RAPGEF6: variants seen among roughly 807,000 people sequenced by gnomAD.
RAPGEF6 encodes the protein Rap guanine nucleotide exchange factor 6, also known as PDZ domain containing guanine nucleotide exchange factor (GEF) 2.
RAPGEF6 carries 56 observed loss-of-function variants against 171.4 expected under a neutral mutation model. The ratio of observed to expected loss-of-function variants is 0.33; its 90% CI spans 0.26 to 0.41. The LOEUF (loss-of-function observed/expected upper bound fraction) is 0.41. RAPGEF6 is among the 10% of genes least tolerant of loss of function. The probability of loss-of-function intolerance (pLI) is 1.00; values close to 1 mark genes in which losing one functional copy is unlikely to be tolerated. For missense variants in RAPGEF6, 1,674 were observed against 1,921.4 expected, an observed-to-expected ratio of 0.87 and a Z score of 2.41; for synonymous variants, 692 against 650.1, an observed-to-expected ratio of 1.06 and a Z score of -0.98.
Position 131,461,871 on chromosome 5 carries a change from A to G in RAPGEF6, c.2698T>C (p.Leu900=), listed in dbSNP as rs779499745. ...TTTACAATGTCCTCAAACCTCTTCAAATGAGTATTTCCTGTTTTGGAATTT... is the reference window on the plus strand; with the variant it reads ...TTTACAATGTCCTCAAACCTCTTCAGATGAGTATTTCCTGTTTTGGAATTT... ...KLNSKTGNTH[L]KRFEDIVNQE... The change falls in exon 19 of 28, where the codon TTG becomes CTG. Residue 900 remains leucine (L), a synonymous_variant. Coordinates refer to ENST00000509018, the MANE Select transcript of RAPGEF6 (RefSeq NM_016340.6). 6.2e-7 allele frequency: 1 copy of G among 1,614,108 alleles called. No individual in the cohort carries two copies. Among genetic ancestry groups the G allele is most frequent in the Non-Finnish European group, 8.5e-7 (1 of 1,179,996 alleles).
intron 3 of RAPGEF6, among the ~76,000 whole-genome samples, chr5:131,598,283 AAC>A (rs1764021925): frequency 2.0e-5 from 3 of 152,308 alleles, no homozygotes; most frequent in South Asian, 2.1e-4. Flanking sequence ...GGGAGACTGA[AAC>A]ACAGACAGAA....
intron 6 of RAPGEF6, among the ~76,000 whole-genome samples, chr5:131,534,994 C>T (rs543600223): frequency 6.6e-6 from 1 of 152,206 alleles, no homozygotes; most frequent in South Asian, 2.1e-4. Context: ...AGGGAGACAG[C>T]CATCTCTTAG....
chr5:131,632,699 C>A (rs774261942), intron 1 of RAPGEF6, among the ~76,000 whole-genome samples: 1 of 152,194 alleles, frequency 6.6e-6, no homozygotes, highest in East Asian at 1.9e-4. Flanking sequence ...CATAATAGAC[C>A]CTTGGGAGTC....
At chr5:131,622,661 G>A (rs1765661165) in intron 1 of RAPGEF6, among the ~76,000 whole-genome samples, 1 of 152,096 alleles carries the variant, frequency 6.6e-6, no homozygotes, top group African/African-American at 2.4e-5. Flanking sequence ...GTAAAATGAT[G>A]GGCCTGGAAA....
At chr5:131,440,471 C>T (rs941694237) in intron 23 of RAPGEF6, among the ~76,000 whole-genome samples, 4 of 152,086 alleles carry the variant, frequency 2.6e-5, no homozygotes. Context: ...GGTATGGTGG[C>T]TCACGCCTGT....
At chr5:131,631,859 G>A (rs921343586) in intron 1 of RAPGEF6, among the ~76,000 whole-genome samples, 2 of 152,080 alleles carry the variant, frequency 1.3e-5, no homozygotes, top group African/African-American at 2.4e-5. Flanking sequence ...GGCAGATCAC[G>A]AGGACAAGAG....
Position 131,584,496 on chromosome 5 carries a change from A to G in RAPGEF6, c.281+7887T>C, listed in dbSNP as rs546283637. ...TAAACTGCTTTTGTAAAGCTAATGA[A>G]AGAAAGACCACCAGATTACAAGGAT... On this transcript the variant is annotated intron_variant, in intron 4 of 27. Transcript: ENST00000509018. 7.9e-5 allele frequency among the ~76,000 whole-genome samples: 12 copies of G among 152,340 alleles called. No individual in the cohort carries two copies. The South Asian group carries it at 2.1e-3, about 26-fold the overall frequency.
At chr5:131,561,179 T>G (rs778150075) in intron 5 of RAPGEF6, among the ~76,000 whole-genome samples, 21 of 152,186 alleles carry the variant, frequency 1.4e-4, no homozygotes, top group Non-Finnish European at 2.2e-4. Flanking sequence ...TAAAGAATTA[T>G]TCCTTAAATA....
intron 6 of RAPGEF6, among the ~76,000 whole-genome samples, chr5:131,540,918 C>T (rs1359649210): frequency 1.3e-5 from 2 of 152,188 alleles, no homozygotes; most frequent in African/African-American, 2.4e-5. Context: ...AATTCCAGCA[C>T]TTTGGGAGGC....
chr5:131,610,631 C>T (rs976952868), intron 1 of RAPGEF6, among the ~76,000 whole-genome samples: 2 of 152,064 alleles, frequency 1.3e-5, no homozygotes, highest in African/African-American at 4.8e-5. Flanking sequence ...GCCACTGAGA[C>T]CTGCAGAGCT....
At chr5:131,592,608 C>T in intron 3 of RAPGEF6, 142 bp from the exon 4 acceptor site, 1 of 1,412,646 alleles carries the variant, frequency 7.1e-7, no homozygotes, top group African/African-American at 1.4e-5. Context: ...AATATTTTGC[C>T]TGTTGCCTAA....
intron 1 of RAPGEF6, among the ~76,000 whole-genome samples, chr5:131,632,603 T>G (rs553353411): frequency 6.6e-6 from 1 of 152,336 alleles, no homozygotes; most frequent in South Asian, 2.1e-4. Context: ...AGGGCAGACC[T>G]GCTTTGTTTA....
chr5:131,622,628 C>G (rs1400075589), intron 1 of RAPGEF6, among the ~76,000 whole-genome samples: 1 of 152,158 alleles, frequency 6.6e-6, no homozygotes, highest in Non-Finnish European at 1.5e-5. Context: ...TCAAGCTCAT[C>G]GAGTTGGGAA....
intron 20 of RAPGEF6, among the ~76,000 whole-genome samples, chr5:131,454,922 G>A (rs541976488): frequency 2.3e-3 from 350 of 152,308 alleles, no homozygotes; most frequent in Non-Finnish European, 4.1e-3. Context: ...GGAAGGCACA[G>A]AACAATGGAA....
chr5:131,607,474 C>A (rs1449189558), intron 1 of RAPGEF6, among the ~76,000 whole-genome samples: 5 of 152,162 alleles, frequency 3.3e-5, no homozygotes, highest in African/African-American at 1.2e-4. Context: ...ACTTTCCATT[C>A]CAATTAGAAG....
chr5:131,545,475 T>C (rs1006360361), intron 6 of RAPGEF6, among the ~76,000 whole-genome samples: 1 of 152,156 alleles, frequency 6.6e-6, no homozygotes, highest in Non-Finnish European at 1.5e-5. Flanking sequence ...CCTGATCTTT[T>C]TCTCTCTGAA....
chr5:131,616,596 A>G (rs1372039876), intron 1 of RAPGEF6, among the ~76,000 whole-genome samples: 6 of 152,200 alleles, frequency 3.9e-5, no homozygotes, highest in Non-Finnish European at 7.3e-5. Context: ...GTTTAAAACA[A>G]GTGAATTTCT....
chr5:131,551,497 G>A (rs1760923498), intron 5 of RAPGEF6, among the ~76,000 whole-genome samples: 1 of 135,002 alleles, frequency 7.4e-6, no homozygotes, highest in South Asian at 2.5e-4. Context: ...GGGCGACAGA[G>A]TGAGACTCCA....
chr5:131,531,818 T>C (rs995661829), intron 6 of RAPGEF6, among the ~76,000 whole-genome samples: 7 of 152,266 alleles, frequency 4.6e-5, no homozygotes, highest in East Asian at 1.9e-4. Flanking sequence ...CACTGATAAG[T>C]ACAGCAATAG....
Sources: gnomAD v4.1 joint callset for allele counts (sites outside exome capture counted in the v4.1 genomes callset) on GRCh38, gnomAD v4.1.1 for gene constraint, MANE v1.5 for transcripts, NCBI Gene and HGNC (gene_info 2026-07-23, HGNC 2026-07-21) for gene names.